Variants in CNTNAP2 observed in about 807,000 individuals in gnomAD.
CNTNAP2 encodes contactin-associated protein-like 2.
Under a neutral mutation model 155.2 loss-of-function variants are expected in CNTNAP2, and 98 were observed. The ratio of observed to expected loss-of-function variants is 0.63; its 90% CI spans 0.54 to 0.75. The LOEUF (loss-of-function observed/expected upper bound fraction) is 0.75. CNTNAP2 is among the 30% of genes least tolerant of loss of function. The probability of loss-of-function intolerance (pLI) is 0.00; values close to 1 mark genes in which losing one functional copy is unlikely to be tolerated. For missense variants in CNTNAP2, 1,727 were observed against 1,688.1 expected (o/e 1.02, Z -0.40); for synonymous variants, 651 against 631.2 (o/e 1.03, Z -0.47).
chr7:146,760,908 C>T (rs1046964066), intron 1 of CNTNAP2, among the ~76,000 whole-genome samples: 12 of 152,128 alleles, frequency 7.9e-5, no homozygotes, highest in African/African-American at 2.2e-4. Flanking sequence ...ATATAATTCA[C>T]ATTTACTGCA....
intron 3 of CNTNAP2, among the ~76,000 whole-genome samples, chr7:146,974,123 G>A (rs1797859728): frequency 6.6e-6 from 1 of 152,166 alleles, no homozygotes; most frequent in Non-Finnish European, 1.5e-5. Flanking sequence ...AAAGGTGCTA[G>A]CCTGAAGATG....
Position 147,880,854 on chromosome 7 carries a change from G to GGTGTGTGTGTGTGTGTGT in CNTNAP2, c.2099-22688_2099-22671dup, listed in dbSNP as rs71183032. On this transcript the variant is annotated intron_variant, in intron 13 of 23. Coordinates refer to ENST00000361727, the MANE Select transcript of CNTNAP2 (RefSeq NM_014141.6). Reference sequence around the variant, plus strand: ...CATTTTCATGTGATGATTGGAGTTGGGTGTGTGTGTGTGTGTGTGTGTGTG... The same window carrying GGTGTGTGTGTGTGTGTGT: ...CATTTTCATGTGATGATTGGAGTTGGGTGTGTGTGTGTGTGTGTGTGTGTGTGTGTGTGTGTGTGTGTG... 3.5e-5 allele frequency among the ~76,000 whole-genome samples: 5 copies of GGTGTGTGTGTGTGTGTGT among 143,180 alleles called. No individual in the cohort carries two copies. In the East Asian group the frequency reaches 1.0e-3, roughly 30 times the overall value. 93.9% of individuals were successfully genotyped at this position (143,180 alleles called of 152,430 possible).
intron 15 of CNTNAP2, among the ~76,000 whole-genome samples, chr7:148,027,005 G>A (rs1386895070): frequency 9.2e-5 from 14 of 152,230 alleles, no homozygotes; most frequent in African/African-American, 3.4e-4. Flanking sequence ...ACTAACAGAG[G>A]CTTTGATGCA....
intron 1 of CNTNAP2, among the ~76,000 whole-genome samples, chr7:146,409,361 AT>A (rs1795835836): frequency 6.6e-6 from 1 of 152,196 alleles, no homozygotes; most frequent in Admixed American, 6.5e-5. Context: ...AAGAAAACAA[AT>A]TTTAAATAGA....
rs1802409416 is a variant in CNTNAP2 at position 146,777,432 on chromosome 7, G to A, written c.208+3051G>A. On this transcript the variant is annotated intron_variant, in intron 2 of 23. Coordinates refer to ENST00000361727, the MANE Select transcript of CNTNAP2 (RefSeq NM_014141.6). The stretch of plus-strand genomic sequence containing the variant: ...TGCTCTGCCCCTGCAGGTACAGCAA[G>A]AAACATACATGTAGGGCTTCACCCT... 2.6e-5 allele frequency among the ~76,000 whole-genome samples: 4 copies of A among 152,268 alleles called. No individual in the cohort carries two copies. The South Asian group carries it at 8.3e-4, about 32-fold the overall frequency.
At chr7:146,938,453 A>G (rs1585169730) in intron 3 of CNTNAP2, among the ~76,000 whole-genome samples, 1 of 150,286 alleles carries the variant, frequency 6.7e-6, no homozygotes, top group African/African-American at 2.4e-5. Context: ...ATACATATGT[A>G]CACATATATA....
Position 147,925,328 on chromosome 7 carries a change from A to G in CNTNAP2, c.2255+21607A>G, listed in dbSNP as rs868476908. 3.3e-4 allele frequency among the ~76,000 whole-genome samples: 48 copies of G among 144,072 alleles called. No individual in the cohort carries two copies. In the East Asian group the frequency reaches 6.8e-3, roughly 20 times the overall value. 94.5% of individuals were successfully genotyped at this position (144,072 alleles called of 152,430 possible). A position where few individuals can be genotyped will look rare whatever the true frequency, so the allele number is the denominator to read the frequency against. ...CACACACACACACACACACACACAC[A>G]CACAGCTTTCCCCCATGATCATTCA... is the stretch of plus-strand genomic sequence containing the variant. On this transcript the variant is annotated intron_variant, in intron 14 of 23. Coordinates refer to ENST00000361727, the MANE Select transcript of CNTNAP2 (RefSeq NM_014141.6).
intron 1 of CNTNAP2, among the ~76,000 whole-genome samples, chr7:146,355,376 C>A (rs959789099): frequency 1.3e-5 from 2 of 152,074 alleles, no homozygotes; most frequent in Non-Finnish European, 2.9e-5. Flanking sequence ...GCATGGGGTT[C>A]CAATAACACA....
rs138247759 is a variant in CNTNAP2, at chr7:147,123,359, C to A, written c.939+2196C>A. On this transcript the variant is annotated intron_variant, in intron 6 of 23. Coordinates refer to ENST00000361727, the MANE Select transcript of CNTNAP2 (RefSeq NM_014141.6). ...AAATATAATTCTAATTTTCAAAAAA[C>A]CAAATTAAAAATTTGGGGTCATAAA... Among the ~76,000 whole-genome samples the A allele has an allele frequency of 2.6e-5, 4 of 152,120 alleles. No individual in the cohort carries two copies. The East Asian group carries it at 5.8e-4, about 22-fold the overall frequency.
At chr7:146,256,351 A>G (rs1799836670) in intron 1 of CNTNAP2, among the ~76,000 whole-genome samples, 1 of 152,176 alleles carries the variant, frequency 6.6e-6, no homozygotes, top group African/African-American at 2.4e-5. Flanking sequence ...TGGACATTTT[A>G]TTTCATGATT....
At position 146,555,487 on chromosome 7, in the gene CNTNAP2, CATCTGTCTGTCT is replaced by C. The variant is rs1427996438; in HGVS notation, c.98-218779_98-218768del. Among the ~76,000 whole-genome samples the C allele has an allele frequency of 3.8e-3, 460 of 122,508 alleles. 5 individuals carry two copies. Among genetic ancestry groups the C allele is most frequent in the African/African-American group, 0.014 (424 of 30,942 alleles). The allele number at this position is 122,508 out of a possible 152,430, so 80.4% of individuals were successfully genotyped here. On this transcript the variant is annotated intron_variant, in intron 1 of 23. Transcript: ENST00000361727. ...CATCTATATGTAATCTACTCTGTAT[CATCTGTCTGTCT>C]ATCTATCTATCTATCTATCTATCTA...
intron 1 of CNTNAP2, among the ~76,000 whole-genome samples, chr7:146,133,789 C>A (rs1340022816): frequency 6.6e-6 from 1 of 152,150 alleles, no homozygotes; most frequent in African/African-American, 2.4e-5. Context: ...GTTTTGGTAC[C>A]AGTACCATGC....
rs181054953 is a variant in CNTNAP2, at chr7:147,753,541, T to C, written c.2098+114235T>C. Among the ~76,000 whole-genome samples, 4 of 152,310 alleles carry C rather than the reference T, an allele frequency of 2.6e-5. No homozygotes were observed. The East Asian group carries it at 7.7e-4, about 29-fold the overall frequency. On this transcript the variant is annotated intron_variant, in intron 13 of 23. Coordinates refer to ENST00000361727, the MANE Select transcript of CNTNAP2 (RefSeq NM_014141.6). ...CTATAAGAATAATTAGAACTAGAAA[T>C]GTTGATGAGTTAATTGCCATGTCTA...
chr7:148,243,445 G>A (rs1286103139), intron 20 of CNTNAP2, among the ~76,000 whole-genome samples: 3 of 152,088 alleles, frequency 2.0e-5, no homozygotes, highest in South Asian at 2.1e-4. Flanking sequence ...CTGAGACTGC[G>A]TAATTTACAA....
At chr7:147,902,873 G>A (rs186580580) in intron 13 of CNTNAP2, among the ~76,000 whole-genome samples, 1 of 149,828 alleles carries the variant, frequency 6.7e-6, no homozygotes, top group African/African-American at 2.5e-5. Flanking sequence ...TCCATTCATT[G>A]ACTGATGGGC....
At chr7:148,106,923 T>G (rs1021432061) in intron 15 of CNTNAP2, among the ~76,000 whole-genome samples, 4 of 152,204 alleles carry the variant, frequency 2.6e-5, no homozygotes, top group Admixed American at 2.0e-4. Context: ...ATGACACACC[T>G]AGCTATTCAC....
intron 11 of CNTNAP2, among the ~76,000 whole-genome samples, chr7:147,490,101 T>A (rs1451888319): frequency 6.6e-6 from 1 of 152,218 alleles, no homozygotes; most frequent in Non-Finnish European, 1.5e-5. Flanking sequence ...AGATGTGCAT[T>A]CTGACAGAAA....
chr7:148,142,093 C>CTG (rs71527881), intron 16 of CNTNAP2, among the ~76,000 whole-genome samples: 20,815 of 136,290 alleles, frequency 0.15, 1,289 homozygotes, highest in East Asian at 0.22. Context: ...AGATATGTCT[C>CTG]TGTGTGTGTG....
intron 1 of CNTNAP2, among the ~76,000 whole-genome samples, chr7:146,586,688 C>A (rs1798697515): frequency 6.6e-6 from 1 of 152,046 alleles, no homozygotes. Flanking sequence ...AGACAGAAAA[C>A]CATTATAAGT....
Sources: allele counts gnomAD v4.1 joint callset (sites outside exome capture counted in the v4.1 genomes callset), GRCh38; gene constraint gnomAD v4.1.1; transcripts MANE v1.5; gene names NCBI Gene and HGNC (gene_info 2026-07-23, HGNC 2026-07-21).